The following MEGF11 variants were observed in gnomAD, a reference collection of about 807,000 sequenced individuals.
MEGF11 encodes multiple epidermal growth factor-like domains protein 11.
Under a neutral mutation model 146.6 loss-of-function variants are expected in MEGF11, and 126 were observed. That is an observed-to-expected ratio of 0.86 (90% CI 0.74 to 1.00). The LOEUF (loss-of-function observed/expected upper bound fraction) is 1.00, where lower values mean the gene tolerates loss of function less well. MEGF11 is among the 50% of genes least tolerant of loss of function. MEGF11 has a pLI of 0.00. For missense variants in MEGF11, 1,509 were observed against 1,521.2 expected (o/e 0.99, Z 0.13); for synonymous variants, 532 against 583.4 (o/e 0.91, Z 1.27).
intron 5 of MEGF11, among the ~76,000 whole-genome samples, chr15:66,084,992 G>A (rs200088257): frequency 3.3e-5 from 5 of 152,300 alleles, no homozygotes; most frequent in East Asian, 1.9e-4. Flanking sequence ...GGTGCAGCAC[G>A]GTGGGAGTGA....
At chr15:66,027,017 C>T (rs1237767173) in intron 5 of MEGF11, among the ~76,000 whole-genome samples, 1 of 152,212 alleles carries the variant, frequency 6.6e-6, no homozygotes, top group African/African-American at 2.4e-5. Flanking sequence ...GTCTTGGTGC[C>T]TGTGATCCGC....
chr15:65,986,125 G>A (rs935589434), intron 5 of MEGF11, among the ~76,000 whole-genome samples: 3 of 151,670 alleles, frequency 2.0e-5, no homozygotes, highest in East Asian at 1.9e-4. Context: ...CTAATTTTTC[G>A]TACTTTTAGT....
intron 12 of MEGF11, among the ~76,000 whole-genome samples, chr15:65,929,476 C>T (rs750092665): frequency 2.2e-4 from 34 of 152,252 alleles, no homozygotes; most frequent in Admixed American, 3.3e-4. Flanking sequence ...AAGAGCAGCA[C>T]GGGAAAAGTG....
chr15:65,957,029 G>A (rs28613547), intron 10 of MEGF11, among the ~76,000 whole-genome samples: 5 of 152,114 alleles, frequency 3.3e-5, no homozygotes, highest in Admixed American at 6.5e-5. Flanking sequence ...TCAAGGGTGC[G>A]GTGAGGGAAT....
chr15:66,062,704 T>G (rs1160272462), intron 5 of MEGF11, among the ~76,000 whole-genome samples: 1 of 152,194 alleles, frequency 6.6e-6, no homozygotes, highest in Non-Finnish European at 1.5e-5. Flanking sequence ...CTACTAAATA[T>G]GTGGGAGTTC....
chr15:65,964,486 C>G (rs1032422902), intron 9 of MEGF11, among the ~76,000 whole-genome samples: 4 of 151,402 alleles, frequency 2.6e-5, no homozygotes, highest in African/African-American at 7.3e-5. Context: ...GTGCCCGTGT[C>G]TCTGGTTGGA....
chr15:66,243,032 C>T (rs1038071747), intron 1 of MEGF11, among the ~76,000 whole-genome samples: 5 of 152,222 alleles, frequency 3.3e-5, no homozygotes, highest in Non-Finnish European at 5.9e-5. Flanking sequence ...ACCCTGCCTA[C>T]CCTCTTCTAC....
intron 1 of MEGF11, among the ~76,000 whole-genome samples, chr15:66,172,018 C>T (rs1010076235): frequency 3.3e-5 from 5 of 152,142 alleles, no homozygotes; most frequent in African/African-American, 1.2e-4. Context: ...GGTAAAGCCC[C>T]GGCTTTTAGG....
rs143264710 is a variant in MEGF11, at chr15:66,094,889, G to A, written c.302-395C>T. ...TCCCTTGTATCTTCTGCTTTCCCTA[G>A]TATCCTTCTGAAAAGGCCCCAAAAT... On this transcript the variant is annotated intron_variant, in intron 4 of 25. Coordinates refer to ENST00000395614, the MANE Select transcript of MEGF11 (RefSeq NM_001385028.1). Among the ~76,000 whole-genome samples, 940 of 152,132 alleles carry A rather than the reference G, an allele frequency of 6.2e-3. 10 individuals carry two copies. Among genetic ancestry groups the A allele is most frequent in the African/African-American group, 0.022 (912 of 41,488 alleles).
intron 10 of MEGF11, among the ~76,000 whole-genome samples, chr15:65,938,969 A>G (rs1235043255): frequency 6.6e-6 from 1 of 152,226 alleles, no homozygotes; most frequent in Non-Finnish European, 1.5e-5. Context: ...CATGTTGATC[A>G]TCTGTTTTCC....
At chr15:65,976,907 A>T (rs542961692) in intron 7 of MEGF11, among the ~76,000 whole-genome samples, 1 of 152,086 alleles carries the variant, frequency 6.6e-6, no homozygotes, top group Non-Finnish European at 1.5e-5. Flanking sequence ...TACTCCCAGC[A>T]ATTTGGGAGG....
intron 5 of MEGF11, among the ~76,000 whole-genome samples, chr15:66,089,351 TA>T (rs1819233753): frequency 6.6e-6 from 1 of 152,208 alleles, no homozygotes; most frequent in African/African-American, 2.4e-5. Flanking sequence ...GGCTTTGACT[TA>T]TCCTGCACTT....
intron 8 of MEGF11, 81 bp from the exon 9 acceptor site, chr15:65,965,201 C>A: frequency 8.1e-7 from 1 of 1,237,826 alleles, no homozygotes. Context: ...ATGTGGTCCT[C>A]CTGGCCATCT....
intron 5 of MEGF11, among the ~76,000 whole-genome samples, chr15:66,001,574 T>C (rs2082368062): frequency 6.6e-6 from 1 of 151,896 alleles, no homozygotes; most frequent in South Asian, 2.1e-4. Flanking sequence ...CTCCTCTCTC[T>C]CTGTCTCTAT....
chr15:66,218,979 C>CGAAAAAAAAAAAAAAA (rs747064597), intron 1 of MEGF11, among the ~76,000 whole-genome samples: 1 of 86,940 alleles, frequency 1.2e-5, no homozygotes, highest in African/African-American at 6.3e-5. Context: ...TATCCACAGG[C>CGAAAAAAAAAAAAAAA]AAAAAAAAAA....
intron 5 of MEGF11, among the ~76,000 whole-genome samples, chr15:66,052,552 A>G (rs924155102): frequency 2.6e-5 from 4 of 152,174 alleles, no homozygotes; most frequent in Admixed American, 2.0e-4. Flanking sequence ...TGTCTATTCC[A>G]GGCCTGCCTG....
intron 1 of MEGF11, among the ~76,000 whole-genome samples, chr15:66,226,041 G>T (rs1174240460): frequency 6.6e-6 from 1 of 152,200 alleles, no homozygotes; most frequent in Non-Finnish European, 1.5e-5. Flanking sequence ...GAAATAAACA[G>T]TTCATGAGTT....
intron 18 of MEGF11, 27 bp downstream of exon 18, chr15:65,916,121 C>T: frequency 6.4e-7 from 1 of 1,565,974 alleles, no homozygotes; most frequent in Non-Finnish European, 8.7e-7. Context: ...GCAGCATCAC[C>T]CAGGATCAGG....
At chr15:66,089,992 T>C (rs2086257018) in intron 5 of MEGF11, among the ~76,000 whole-genome samples, 1 of 152,228 alleles carries the variant, frequency 6.6e-6, no homozygotes, top group Non-Finnish European at 1.5e-5. Context: ...TTCCCCATAG[T>C]GGTCCATCTA....
Sources: gnomAD v4.1 joint callset for allele counts (sites outside exome capture counted in the v4.1 genomes callset) on GRCh38, gnomAD v4.1.1 for gene constraint, MANE v1.5 for transcripts, NCBI Gene and HGNC (gene_info 2026-07-23, HGNC 2026-07-21) for gene names.